Variants in TAF12 observed in about 807,000 individuals in gnomAD.
TAF12 encodes transcription initiation factor TFIID subunit 12.
A neutral mutation model predicts 20.8 loss-of-function variants in TAF12; 3 were observed. The ratio of observed to expected loss-of-function variants is 0.14; its 90% confidence interval spans 0.07 to 0.37. The LOEUF (loss-of-function observed/expected upper bound fraction) is 0.37, where lower values mean the gene tolerates loss of function less well. Among genes scored for constraint, TAF12 ranks in the 10% least tolerant of loss-of-function variants. The probability of loss-of-function intolerance (pLI) is 1.00; values close to 1 mark genes in which losing one functional copy is unlikely to be tolerated. For synonymous variants in TAF12, 69 were observed against 70.2 expected, an observed-to-expected ratio of 0.98 and a Z score of 0.09; for missense variants, 131 against 197.9, an observed-to-expected ratio of 0.66 and a Z score of 2.03.
intron 2 of TAF12, among the ~76,000 whole-genome samples, chr1:28,620,556 C>T (rs1361411012): frequency 6.6e-6 from 1 of 152,188 alleles, no homozygotes; most frequent in South Asian, 2.1e-4. Context: ...CTGCCTCAGC[C>T]TCCCGAGTAG....
intron 4 of TAF12, among the ~76,000 whole-genome samples, chr1:28,610,178 A>G (rs369821131): frequency 1.3e-4 from 19 of 151,076 alleles, no homozygotes; most frequent in Non-Finnish European, 1.8e-4. Context: ...GGGTTTCACC[A>G]TCTTGGCCAG....
At chr1:28,613,541 G>A (rs1453598829) in intron 3 of TAF12, among the ~76,000 whole-genome samples, 180 bp from the exon 4 acceptor site, 1 of 152,132 alleles carries the variant, frequency 6.6e-6, no homozygotes, top group African/African-American at 2.4e-5. Context: ...TGTTACCCAG[G>A]TTGAGTGCAA....
chr1:28,628,667 A>G (rs2124359238), intron 1 of TAF12, among the ~76,000 whole-genome samples: 1 of 151,800 alleles, frequency 6.6e-6, no homozygotes, highest in East Asian at 1.9e-4. Flanking sequence ...TGATTTAAAT[A>G]AAGACTTTAA....
In TAF12 at chr1:28,603,104, A is replaced by G. The variant is rs137924337; in HGVS notation, c.*435T>C. On this transcript the variant is annotated 3_prime_UTR_variant, in exon 6 of 6. Coordinates refer to ENST00000373824, the MANE Select transcript of TAF12 (RefSeq NM_005644.4). ...TTCAAAGGTACCCTGTCTTTCGATT[A>G]ATAACTTCTTTATTCTGGAAAAGCA... 516 of 156,092 alleles carry G rather than the reference A, an allele frequency of 3.3e-3. 2 individuals carry two copies. The highest frequency in any genetic ancestry group is 0.012 in the African/African-American group (493 of 41,642). 9.7% of individuals were successfully genotyped at this position (156,092 alleles called of 1,614,324 possible).
chr1:28,619,004 T>C (rs1667125440), intron 2 of TAF12, among the ~76,000 whole-genome samples: 1 of 151,566 alleles, frequency 6.6e-6, no homozygotes, highest in South Asian at 2.1e-4. Flanking sequence ...GCTATGATTG[T>C]GCCACTACAC....
chr1:28,613,516 G>A (rs1196883265), intron 3 of TAF12, among the ~76,000 whole-genome samples, 155 bp from the exon 4 acceptor site: 4 of 152,204 alleles, frequency 2.6e-5, no homozygotes, highest in Non-Finnish European at 5.9e-5. Context: ...AGAGGAATGA[G>A]AAGGACAAAA....
chr1:28,637,414 C>T (rs1040070350), intron 1 of TAF12, among the ~76,000 whole-genome samples: 3 of 152,024 alleles, frequency 2.0e-5, no homozygotes, highest in African/African-American at 7.3e-5. Context: ...CGCCTGTAAT[C>T]CTAGAACTTT....
chr1:28,621,158 G>A (rs993039516), intron 2 of TAF12, among the ~76,000 whole-genome samples: 3 of 152,126 alleles, frequency 2.0e-5, no homozygotes, highest in African/African-American at 7.2e-5. Flanking sequence ...TTCTACAACA[G>A]ACTCCATATT....
chr1:28,644,398 C>G (rs1668132899), upstream of TAF12, among the ~76,000 whole-genome samples: 1 of 152,226 alleles, frequency 6.6e-6, no homozygotes, highest in Non-Finnish European at 1.5e-5. Context: ...TATTTCCTTG[C>G]CACTGCTCTC....
chr1:28,632,834 C>T (rs1028741488), intron 1 of TAF12, among the ~76,000 whole-genome samples: 1 of 151,898 alleles, frequency 6.6e-6, no homozygotes, highest in Non-Finnish European at 1.5e-5. Context: ...TATGACTGTA[C>T]CCCATAATAA....
At chr1:28,643,104 C>T (rs1450532431), upstream of TAF12, 1 of 985,812 alleles carries the variant, frequency 1.0e-6, no homozygotes, top group East Asian at 1.1e-4. Context: ...CACCGCTCCC[C>T]GCCTCCAACC....
chr1:28,640,221 C>T (rs1667987343), intron 1 of TAF12, among the ~76,000 whole-genome samples: 1 of 152,102 alleles, frequency 6.6e-6, no homozygotes, highest in African/African-American at 2.4e-5. Context: ...ACAAAGTTCC[C>T]GTTTTTCTAT....
At chr1:28,627,391 G>GAAA (rs771889346) in intron 1 of TAF12, among the ~76,000 whole-genome samples, 7 of 63,644 alleles carry the variant, frequency 1.1e-4, no homozygotes, top group Non-Finnish European at 7.1e-5. Flanking sequence ...CCGTCTCAAA[G>GAAA]AAAAAAAAAA....
Position 28,602,861 on chromosome 1 carries a change from A to G in TAF12, c.*678T>C, listed in dbSNP as rs1320911553. The G allele has an allele frequency of 6.6e-6, 1 of 152,042 alleles. No individual in the cohort carries two copies. The highest frequency in any genetic ancestry group is 2.4e-5 in the African/African-American group (1 of 41,388). 9.4% of individuals were successfully genotyped at this position (152,042 alleles called of 1,614,324 possible). On this transcript the variant is annotated 3_prime_UTR_variant, in exon 6 of 6. Coordinates refer to ENST00000373824, the MANE Select transcript of TAF12 (RefSeq NM_005644.4). ...GGCATATAACATTGCCAAAACAAGGATGCCTCTTCAGTTGAGGGCCGTGAG... is the reference window on the plus strand; with the variant it reads ...GGCATATAACATTGCCAAAACAAGGGTGCCTCTTCAGTTGAGGGCCGTGAG...
At chr1:28,628,903 TCTCTA>T (rs1198010882) in intron 1 of TAF12, among the ~76,000 whole-genome samples, 3 of 152,174 alleles carry the variant, frequency 2.0e-5, no homozygotes, top group Non-Finnish European at 4.4e-5. Flanking sequence ...AGAAACCCCC[TCTCTA>T]CTAGTAATAC....
At chr1:28,613,962 G>A (rs370807254) in intron 3 of TAF12, among the ~76,000 whole-genome samples, 1 of 152,062 alleles carries the variant, frequency 6.6e-6, no homozygotes, top group Non-Finnish European at 1.5e-5. Context: ...TAAATAGGCC[G>A]GGCGTGGTGG....
chr1:28,617,973 A>G lies in TAF12; in HGVS notation c.226T>C (p.Leu76=), dbSNP rs1667095355. 6.2e-7 allele frequency: 1 copy of G among 1,613,780 alleles called. No homozygotes were observed. Among genetic ancestry groups the G allele is most frequent in the Non-Finnish European group, 8.5e-7 (1 of 1,179,898 alleles). The change falls in exon 3 of 6, where the codon TTG becomes CTG. Residue 76 remains leucine, a synonymous_variant. Coordinates refer to ENST00000373824, the MANE Select transcript of TAF12 (RefSeq NM_005644.4). ...LVREVDPNEQ[L]DEDVEEMLLQ... is the part of the protein sequence containing the mutation. The stretch of plus-strand genomic sequence containing the variant: ...CTTACCTCCTCCACATCTTCATCCA[A>G]CTGCTCATTAGGATCCACTTCTCTT...
At chr1:28,606,859 G>C (rs1557456061) in intron 4 of TAF12, among the ~76,000 whole-genome samples, 1 of 152,312 alleles carries the variant, frequency 6.6e-6, no homozygotes, top group Admixed American at 6.5e-5. Flanking sequence ...TTATGTAGCT[G>C]TAACAACAGT....
At position 28,619,497 on chromosome 1, in the gene TAF12, C is replaced by CAA. The variant is rs537913364; in HGVS notation, c.169-1469_169-1468dup. Reference sequence around the variant, plus strand: ...TGGGCAACAGAGTGAGACTCCATCTCAAAAAAAAAAAAAAATCTAAAAAAT... The same window carrying CAA: ...TGGGCAACAGAGTGAGACTCCATCTCAAAAAAAAAAAAAAAAATCTAAAAAAT... On this transcript the variant is annotated intron_variant, in intron 2 of 5. Coordinates refer to ENST00000373824, the MANE Select transcript of TAF12 (RefSeq NM_005644.4). Among the ~76,000 whole-genome samples, 17 of 79,168 alleles carry CAA rather than the reference C, an allele frequency of 2.1e-4. 1 individual carries two copies. Among genetic ancestry groups the CAA allele is most frequent in the Middle Eastern group, 0.011 (1 of 94 alleles). 51.9% of individuals were successfully genotyped at this position (79,168 alleles called of 152,430 possible).
Sources: gnomAD v4.1 joint callset for allele counts (sites outside exome capture counted in the v4.1 genomes callset) on GRCh38, gnomAD v4.1.1 for gene constraint, MANE v1.5 for transcripts, NCBI Gene and HGNC (gene_info 2026-07-23, HGNC 2026-07-21) for gene names.